KCTD8: variants seen among roughly 807,000 people sequenced by gnomAD.
The protein encoded by KCTD8 is BTB/POZ domain-containing protein KCTD8.
Under a neutral mutation model 31.5 loss-of-function variants are expected in KCTD8, and 27 were observed. The observed-to-expected ratio is 0.86, with a 90% CI of 0.63 to 1.18. The LOEUF (loss-of-function observed/expected upper bound fraction) is 1.18. Ranked by LOEUF, KCTD8 falls within the 50% of genes most tolerant of loss-of-function variation. KCTD8 has a pLI of 0.00. For missense variants in KCTD8, 658 were observed against 647.7 expected (o/e 1.02, Z -0.17); for synonymous variants, 290 against 280.0 (o/e 1.04, Z -0.36).
At chr4:44,317,548 T>C (rs1391623782) in intron 1 of KCTD8, among the ~76,000 whole-genome samples, 1 of 152,124 alleles carries the variant, frequency 6.6e-6, no homozygotes, top group Non-Finnish European at 1.5e-5. Context: ...CCGGGTGCTT[T>C]CTTGCTGTAA....
intron 1 of KCTD8, among the ~76,000 whole-genome samples, chr4:44,273,749 C>T (rs1009032819): frequency 6.6e-6 from 1 of 151,864 alleles, no homozygotes; most frequent in South Asian, 2.1e-4. Context: ...CCCAACATGT[C>T]AGTTAAGCCA....
intron 1 of KCTD8, among the ~76,000 whole-genome samples, chr4:44,287,960 T>A (rs1182005405): frequency 6.6e-6 from 1 of 152,172 alleles, no homozygotes; most frequent in African/African-American, 2.4e-5. Flanking sequence ...ATAGAGTATA[T>A]GCAAGGTCAG....
intron 1 of KCTD8, among the ~76,000 whole-genome samples, chr4:44,267,676 A>C (rs1455075885): frequency 6.6e-6 from 1 of 152,162 alleles, no homozygotes; most frequent in African/African-American, 2.4e-5. Context: ...AAGAGAGAAG[A>C]ATCAAATAGA....
chr4:44,343,293 C>A (rs1319990760), intron 1 of KCTD8, among the ~76,000 whole-genome samples: 1 of 151,884 alleles, frequency 6.6e-6, no homozygotes. Flanking sequence ...TTAGGGAGAC[C>A]CAAAGAAAGG....
intron 1 of KCTD8, among the ~76,000 whole-genome samples, chr4:44,411,310 C>T (rs765517866): frequency 7.1e-6 from 1 of 141,476 alleles, no homozygotes; most frequent in Non-Finnish European, 1.5e-5. Context: ...CCCAAGAGGT[C>T]GAGGCTGCAG....
intron 1 of KCTD8, among the ~76,000 whole-genome samples, chr4:44,431,896 G>C (rs1721515071): frequency 2.0e-5 from 3 of 151,530 alleles, no homozygotes; most frequent in Admixed American, 6.6e-5. Flanking sequence ...TAAAAGTTGA[G>C]AGCTTGAACA....
At chr4:44,429,543 G>C (rs540053525) in intron 1 of KCTD8, among the ~76,000 whole-genome samples, 1 of 151,620 alleles carries the variant, frequency 6.6e-6, no homozygotes, top group Non-Finnish European at 1.5e-5. Context: ...AGAATCAACA[G>C]AAAACAAAAA....
intron 1 of KCTD8, among the ~76,000 whole-genome samples, chr4:44,414,378 G>A (rs1448230093): frequency 6.6e-6 from 1 of 152,124 alleles, no homozygotes; most frequent in African/African-American, 2.4e-5. Flanking sequence ...TTGATCTTCT[G>A]TGTTTACCAT....
intron 1 of KCTD8, among the ~76,000 whole-genome samples, chr4:44,316,400 T>C (rs193235503): frequency 3.9e-5 from 6 of 152,180 alleles, no homozygotes; most frequent in Non-Finnish European, 2.9e-5. Flanking sequence ...TCCTCCAGGG[T>C]TGATTTGTTT....
intron 1 of KCTD8, among the ~76,000 whole-genome samples, chr4:44,431,301 C>T (rs919675010): frequency 6.6e-5 from 10 of 151,416 alleles, no homozygotes; most frequent in African/African-American, 2.4e-4. Flanking sequence ...ACCCCTTTTC[C>T]CAAAGGCCTT....
chr4:44,301,827 C>A (rs1486520517), intron 1 of KCTD8, among the ~76,000 whole-genome samples: 1 of 152,170 alleles, frequency 6.6e-6, no homozygotes, highest in Non-Finnish European at 1.5e-5. Flanking sequence ...CCTGGGTTTT[C>A]TTCTAGGGTT....
chr4:44,239,573 G>A (rs968822652), intron 1 of KCTD8, among the ~76,000 whole-genome samples: 7 of 152,200 alleles, frequency 4.6e-5, no homozygotes, highest in African/African-American at 9.6e-5. Flanking sequence ...TATTAATTGC[G>A]TATATGGAAT....
intron 1 of KCTD8, among the ~76,000 whole-genome samples, chr4:44,359,293 C>A (rs950408040): frequency 6.6e-6 from 1 of 151,462 alleles, no homozygotes; most frequent in African/African-American, 2.4e-5. Flanking sequence ...TTTTTTTTAA[C>A]ACTGTTGCTT....
chr4:44,252,090 TGTAA>T (rs1715855402), intron 1 of KCTD8, among the ~76,000 whole-genome samples: 1 of 151,766 alleles, frequency 6.6e-6, no homozygotes, highest in African/African-American at 2.4e-5. Flanking sequence ...AGCTCCTACC[TGTAA>T]GTAAGAACAT....
At chr4:44,266,403 T>G (rs1457079446) in intron 1 of KCTD8, among the ~76,000 whole-genome samples, 1 of 151,958 alleles carries the variant, frequency 6.6e-6, no homozygotes, top group Non-Finnish European at 1.5e-5. Flanking sequence ...GCAGTAAACA[T>G]GGAAAGGAAC....
intron 1 of KCTD8, among the ~76,000 whole-genome samples, chr4:44,270,935 AT>A (rs1022794773): frequency 1.1e-4 from 16 of 151,984 alleles, no homozygotes; most frequent in African/African-American, 3.6e-4. Context: ...TTCTTCTTTC[AT>A]TCCTACATTC....
At chr4:44,358,221 T>C (rs1719396000) in intron 1 of KCTD8, among the ~76,000 whole-genome samples, 1 of 152,198 alleles carries the variant, frequency 6.6e-6, no homozygotes, top group Non-Finnish European at 1.5e-5. Flanking sequence ...GCAAAGGACA[T>C]GAACTCATCC....
chr4:44,287,785 T>C (rs868051964), intron 1 of KCTD8, among the ~76,000 whole-genome samples: 7 of 152,318 alleles, frequency 4.6e-5, no homozygotes, highest in Middle Eastern at 6.8e-3. Context: ...CTAATCAGAC[T>C]TAACACAGTA....
intron 1 of KCTD8, among the ~76,000 whole-genome samples, chr4:44,323,704 T>G (rs1370013002): frequency 6.6e-6 from 1 of 151,798 alleles, no homozygotes; most frequent in African/African-American, 2.4e-5. Context: ...TGTACCAACC[T>G]AATAGTTTTC....
Sources: gnomAD v4.1 joint callset for allele counts (sites outside exome capture counted in the v4.1 genomes callset) on GRCh38, gnomAD v4.1.1 for gene constraint, MANE v1.5 for transcripts, NCBI Gene and HGNC (gene_info 2026-07-23, HGNC 2026-07-21) for gene names.